Variants in HLCS observed in about 807,000 individuals in gnomAD.
HLCS encodes biotin--protein ligase.
A neutral mutation model predicts 75.0 loss-of-function variants in HLCS; 53 were observed. The observed-to-expected ratio is 0.71, with a 90% CI of 0.57 to 0.89. The LOEUF is 0.89. Among genes scored for constraint, HLCS ranks in the 40% least tolerant of loss-of-function variants. The pLI, the probability that HLCS is intolerant of heterozygous loss-of-function variation, is 0.00. For synonymous variants in HLCS, 431 were observed against 428.6 expected, an observed-to-expected ratio of 1.01 and a Z score of -0.07; for missense variants, 966 against 1,074.0, an observed-to-expected ratio of 0.90 and a Z score of 1.41.
At chr21:36,884,172 G>A (rs1370233140) in intron 6 of HLCS, among the ~76,000 whole-genome samples, 2 of 152,206 alleles carry the variant, frequency 1.3e-5, no homozygotes, top group Non-Finnish European at 2.9e-5. Flanking sequence ...TCAGGCACCA[G>A]ATAAAAGAAT....
At chr21:36,925,453 C>T (rs955041324) in intron 5 of HLCS, among the ~76,000 whole-genome samples, 2 of 152,198 alleles carry the variant, frequency 1.3e-5, no homozygotes, top group Non-Finnish European at 2.9e-5. Context: ...TCCCAGGCTA[C>T]GGGAGCAATG....
At chr21:36,882,536 G>A (rs887407770) in intron 6 of HLCS, among the ~76,000 whole-genome samples, 4 of 151,778 alleles carry the variant, frequency 2.6e-5, no homozygotes, top group Non-Finnish European at 5.9e-5. Context: ...CACCTCCTGG[G>A]TTCAAGCAAT....
intron 7 of HLCS, among the ~76,000 whole-genome samples, chr21:36,765,532 A>G (rs931641307): frequency 6.6e-6 from 1 of 152,178 alleles, no homozygotes; most frequent in African/African-American, 2.4e-5. Flanking sequence ...ATCTATACTG[A>G]TCCATGAGAG....
chr21:36,839,278 C>G (rs550119964), intron 6 of HLCS, among the ~76,000 whole-genome samples: 6 of 152,332 alleles, frequency 3.9e-5, no homozygotes, highest in Admixed American at 2.6e-4. Flanking sequence ...TTAGTGGATA[C>G]TGGATCCAGT....
intron 2 of HLCS, among the ~76,000 whole-genome samples, chr21:36,952,844 CTTAA>C (rs2067737385): frequency 6.7e-6 from 1 of 148,674 alleles, no homozygotes; most frequent in African/African-American, 2.5e-5. Flanking sequence ...GCAAGAAGGT[CTTAA>C]TTAAATCTTC....
chr21:36,862,887 T>C (rs955120127), intron 6 of HLCS, among the ~76,000 whole-genome samples: 1 of 152,034 alleles, frequency 6.6e-6, no homozygotes, highest in South Asian at 2.1e-4. Context: ...CTCTGGATTA[T>C]TCTTTCCACC....
rs1481304665 is a variant in HLCS, at chr21:36,896,970, T to C, written c.1782A>G (p.Ser594=). Residue 594 remains serine (S), a synonymous_variant, in exon 6 of 11, where the codon TCA becomes TCG. Transcript: ENST00000674895. The part of the protein sequence containing the change: ...IPVVTNMEAF[S]SEHFNLEIYR... ...AGATCTCTAAGTTGAAATGTTCTGA[T>C]GAGAAGGCCTCCATGTTGGTCACCA... is the stretch of plus-strand genomic sequence containing the variant. 6.2e-7 allele frequency: 1 copy of C among 1,614,080 alleles called. No individual in the cohort carries two copies. Among genetic ancestry groups the C allele is most frequent in the African/African-American group, 1.3e-5 (1 of 74,912 alleles).
At chr21:36,960,298 G>C (rs1748567908) in intron 2 of HLCS, among the ~76,000 whole-genome samples, 1 of 152,126 alleles carries the variant, frequency 6.6e-6, no homozygotes, top group Non-Finnish European at 1.5e-5. Context: ...TACTTAGGCA[G>C]AAGGCACCGC....
At chr21:36,882,269 G>A (rs7278191) in intron 6 of HLCS, among the ~76,000 whole-genome samples, 23,751 of 151,344 alleles carry the variant, frequency 0.16, 4,201 homozygotes, top group African/African-American at 0.43. Context: ...GTGACAGAGC[G>A]AGACTTCGTC....
intron 6 of HLCS, among the ~76,000 whole-genome samples, chr21:36,836,111 CA>C (rs1190052228): frequency 6.6e-6 from 1 of 151,052 alleles, no homozygotes; most frequent in Non-Finnish European, 1.5e-5. Flanking sequence ...CAGAGTCCCA[CA>C]AAAGTCCCCC....
At chr21:36,895,418 G>A (rs1259387566) in intron 6 of HLCS, among the ~76,000 whole-genome samples, 1 of 152,172 alleles carries the variant, frequency 6.6e-6, no homozygotes, top group African/African-American at 2.4e-5. Context: ...GATGTCAGGG[G>A]TGAGGTGGAA....
intron 6 of HLCS, among the ~76,000 whole-genome samples, chr21:36,838,626 C>G (rs1199026468): frequency 6.6e-6 from 1 of 151,682 alleles, no homozygotes; most frequent in South Asian, 2.1e-4. Flanking sequence ...ATGACGTGAA[C>G]CCGGGAGGCA....
chr21:36,802,587 C>T (rs13052574), intron 6 of HLCS, among the ~76,000 whole-genome samples: 1 of 152,072 alleles, frequency 6.6e-6, no homozygotes, highest in Admixed American at 6.5e-5. Flanking sequence ...TTGGAGAAGT[C>T]ATTTAGCATC....
chr21:36,896,688 A>G, intron 6 of HLCS, 172 bp downstream of exon 6: 1 of 715,474 alleles, frequency 1.4e-6, no homozygotes, highest in Non-Finnish European at 2.3e-6. Flanking sequence ...AAAGAACTTC[A>G]ATTTCCTTTC....
chr21:36,956,713 G>C (rs149725317), intron 2 of HLCS, among the ~76,000 whole-genome samples: 321 of 152,176 alleles, frequency 2.1e-3, no homozygotes, highest in Admixed American at 3.9e-3. Context: ...CTAGGCAACA[G>C]AGCGAGACTC....
chr21:36,899,799 G>A (rs1448362630), intron 5 of HLCS, among the ~76,000 whole-genome samples: 1 of 152,086 alleles, frequency 6.6e-6, no homozygotes, highest in East Asian at 1.9e-4. Context: ...ATGCTATAAT[G>A]TGGGAGTCAG....
Position 36,936,539 on chromosome 21 carries a change from C to G in HLCS, c.1347G>C (p.Arg449Ser), listed in dbSNP as rs142621386. The G allele has an allele frequency of 6.9e-5, 112 of 1,614,188 alleles. No homozygotes were observed. In the African/African-American group the frequency reaches 1.4e-3, roughly 20 times the overall value. The change falls in exon 4 of 11, where the codon AGG becomes AGC. Residue 449 changes from arginine (R) to serine (S), a missense_variant. By Grantham distance (110) the Arg-to-Ser change is moderately radical. Transcript: ENST00000674895. The stretch of plus-strand genomic sequence containing the variant: ...CCTCATTCTCCAGGTGGCCCTGGAG[C>G]CTGCCGGGGCTGAGCCGGACGGGGC... ...QEGPVRLSPGRLQGHLENEDK... is the reference protein window; with the variant it reads ...QEGPVRLSPGSLQGHLENEDK...
chr21:36,902,893 A>G (rs954903499), intron 5 of HLCS, among the ~76,000 whole-genome samples: 2 of 152,190 alleles, frequency 1.3e-5, no homozygotes, highest in African/African-American at 2.4e-5. Context: ...AGCAGAGAGG[A>G]GGCAGTGAGC....
intron 3 of HLCS, among the ~76,000 whole-genome samples, chr21:36,937,603 C>A (rs1163064825): frequency 6.6e-6 from 1 of 152,184 alleles, no homozygotes; most frequent in Non-Finnish European, 1.5e-5. Context: ...CAAGTGAAAT[C>A]AGCAGTTTGC....
Sources: allele counts gnomAD v4.1 joint callset (sites outside exome capture counted in the v4.1 genomes callset), GRCh38; gene constraint gnomAD v4.1.1; transcripts MANE v1.5; gene names NCBI Gene and HGNC (gene_info 2026-07-23, HGNC 2026-07-21).